ANO4: variants seen among roughly 807,000 people sequenced by gnomAD.
The protein encoded by ANO4 is anoctamin 4.
A neutral mutation model predicts 141.9 loss-of-function variants in ANO4; 69 were observed. The observed-to-expected ratio is 0.49, with a 90% confidence interval of 0.40 to 0.59. The LOEUF (loss-of-function observed/expected upper bound fraction) is 0.59, where lower values mean the gene tolerates loss of function less well. Among genes scored for constraint, ANO4 ranks in the 20% least tolerant of loss-of-function variants. ANO4 has a pLI of 0.00. For synonymous variants in ANO4, 350 were observed against 394.3 expected, an observed-to-expected ratio of 0.89 and a Z score of 1.33; for missense variants, 894 against 1,162.2, an observed-to-expected ratio of 0.77 and a Z score of 3.36.
intron 1 of ANO4, among the ~76,000 whole-genome samples, chr12:100,875,687 G>C (rs1232832924): frequency 3.3e-5 from 5 of 152,180 alleles, no homozygotes. Context: ...TCAGATTACT[G>C]ATATATTTTA....
chr12:100,919,738 A>ATCTATCTATCTG (rs1566010609), intron 2 of ANO4, among the ~76,000 whole-genome samples: 2 of 105,770 alleles, frequency 1.9e-5, no homozygotes, highest in Non-Finnish European at 3.5e-5. Flanking sequence ...GTATGTATGT[A>ATCTATCTATCTG]TCTATCTATC....
At chr12:100,865,591 CA>C (rs1299117661) in intron 1 of ANO4, among the ~76,000 whole-genome samples, 2 of 152,108 alleles carry the variant, frequency 1.3e-5, no homozygotes, top group Non-Finnish European at 1.5e-5. Context: ...AAATGCAAAT[CA>C]AAAGCACAAT....
chr12:100,790,429 C>T (rs2034006287), upstream of ANO4, among the ~76,000 whole-genome samples: 1 of 152,152 alleles, frequency 6.6e-6, no homozygotes, highest in African/African-American at 2.4e-5. Flanking sequence ...GAATTGGTTG[C>T]AGCCCCTAAT....
intron 3 of ANO4, among the ~76,000 whole-genome samples, chr12:100,784,228 T>C (rs2033794937): frequency 6.6e-6 from 1 of 152,160 alleles, no homozygotes; most frequent in Non-Finnish European, 1.5e-5. Context: ...AGGAATGCCC[T>C]TCCTGGCCTG....
chr12:100,879,634 C>A (rs1565963680), intron 1 of ANO4, among the ~76,000 whole-genome samples: 1 of 152,144 alleles, frequency 6.6e-6, no homozygotes, highest in Non-Finnish European at 1.5e-5. Flanking sequence ...ATGAAGGCAG[C>A]AACCACTTCT....
intron 1 of ANO4, among the ~76,000 whole-genome samples, chr12:100,881,488 T>C (rs1233661454): frequency 4.6e-5 from 7 of 151,866 alleles, no homozygotes; most frequent in Admixed American, 1.3e-4. Context: ...CACTATTGGA[T>C]AACAAATAAG....
chr12:100,786,994 C>A (rs2033893507), intron 3 of ANO4, among the ~76,000 whole-genome samples: 1 of 152,162 alleles, frequency 6.6e-6, no homozygotes, highest in African/African-American at 2.4e-5. Context: ...ACTCTCCCAT[C>A]CCTGAGGAAA....
At chr12:100,843,027 C>A (rs1894775424) in intron 1 of ANO4, among the ~76,000 whole-genome samples, 1 of 152,266 alleles carries the variant, frequency 6.6e-6, no homozygotes, top group Admixed American at 6.5e-5. Context: ...CCAGCATCAC[C>A]TTCCAGTGAC....
chr12:101,039,130 T>C (rs2047316228), intron 10 of ANO4: 1 of 152,210 alleles, frequency 6.6e-6, no homozygotes, highest in Admixed American at 6.5e-5. Context: ...TTCCAGCTTT[T>C]ACATTCTAGA....
intron 1 of ANO4, among the ~76,000 whole-genome samples, chr12:100,812,005 T>A (rs367814451): frequency 5.5e-5 from 8 of 146,140 alleles, no homozygotes. Context: ...TGCACATACC[T>A]ACTCACATAT....
At chr12:100,849,610 T>C (rs1431150532) in intron 1 of ANO4, among the ~76,000 whole-genome samples, 1 of 152,230 alleles carries the variant, frequency 6.6e-6, no homozygotes, top group Non-Finnish European at 1.5e-5. Flanking sequence ...AGTATTCCAC[T>C]CTATGGATAT....
At chr12:101,118,438 C>G (rs1272981485) in intron 25 of ANO4, among the ~76,000 whole-genome samples, 1 of 152,026 alleles carries the variant, frequency 6.6e-6, no homozygotes, top group Non-Finnish European at 1.5e-5. Flanking sequence ...AAAAGTCCCC[C>G]AAAGAAAACA....
At chr12:100,736,488 T>G (rs2031622703) in intron 2 of ANO4, among the ~76,000 whole-genome samples, 1 of 152,176 alleles carries the variant, frequency 6.6e-6, no homozygotes, top group African/African-American at 2.4e-5. Flanking sequence ...GGGCTCCTAT[T>G]GGATGACACT....
intron 9 of ANO4, among the ~76,000 whole-genome samples, chr12:101,020,971 T>A (rs920100364): frequency 6.6e-6 from 1 of 152,148 alleles, no homozygotes; most frequent in Admixed American, 6.5e-5. Flanking sequence ...TTTATATAAA[T>A]AATTAACTGT....
chr12:101,122,259 G>A (rs1329446911), intron 26 of ANO4, among the ~76,000 whole-genome samples: 1 of 152,040 alleles, frequency 6.6e-6, no homozygotes, highest in Admixed American at 6.6e-5. Flanking sequence ...ATGTTGATTT[G>A]TTTAAGTTCC....
rs1380439820 is a variant in ANO4 at position 100,890,290 on chromosome 12, T to TGGA, written c.-140-11356_-140-11355insGGA. On this transcript the variant is annotated intron_variant, in intron 1 of 27. Coordinates refer to ENST00000392977, the MANE Select transcript of ANO4 (RefSeq NM_001286615.2). The stretch of plus-strand genomic sequence containing the variant: ...GATAGACCCAGAATATGCACGAATA[T>TGGA]CCATTCAACACAAAAGTCCATCTCT... Among the ~76,000 whole-genome samples, 756 of 152,248 alleles carry TGGA rather than the reference T, an allele frequency of 5.0e-3. 3 individuals carry two copies. Among genetic ancestry groups the TGGA allele is most frequent in the African/African-American group, 0.017 (718 of 41,556 alleles).
chr12:100,786,277 G>A (rs963486251), intron 3 of ANO4, among the ~76,000 whole-genome samples: 1 of 152,186 alleles, frequency 6.6e-6, no homozygotes, highest in Non-Finnish European at 1.5e-5. Flanking sequence ...GGTTATTGCA[G>A]TTATGAGCAG....
intron 7 of ANO4, among the ~76,000 whole-genome samples, chr12:100,985,651 C>T (rs1410980558): frequency 6.6e-6 from 1 of 151,978 alleles, no homozygotes; most frequent in Non-Finnish European, 1.5e-5. Context: ...TCTTTTGGGG[C>T]GGAGGGTTCT....
intron 2 of ANO4, among the ~76,000 whole-genome samples, chr12:100,921,354 G>A (rs950246480): frequency 2.6e-5 from 4 of 152,112 alleles, no homozygotes; most frequent in Non-Finnish European, 5.9e-5. Flanking sequence ...GTATAAGGCT[G>A]AGTATACCTC....
Sources: gnomAD v4.1 joint callset for allele counts (sites outside exome capture counted in the v4.1 genomes callset) on GRCh38, gnomAD v4.1.1 for gene constraint, MANE v1.5 for transcripts, NCBI Gene and HGNC (gene_info 2026-07-23, HGNC 2026-07-21) for gene names.